The following SH3PXD2A variants were observed in gnomAD, a reference collection of about 807,000 sequenced individuals.
SH3PXD2A encodes the protein SH3 and PX domains 2A, also known as SH3 and PX domain-containing protein 2A.
Under a neutral mutation model 115.2 loss-of-function variants are expected in SH3PXD2A, and 32 were observed. That is an observed-to-expected ratio of 0.28 (90% CI 0.21 to 0.37). SH3PXD2A has a LOEUF of 0.37. Among genes scored for constraint, SH3PXD2A ranks in the 10% least tolerant of loss-of-function variants. The pLI is 1.00. For missense variants in SH3PXD2A, 1,328 were observed against 1,498.7 expected (o/e 0.89, Z 1.88); for synonymous variants, 610 against 629.1 (o/e 0.97, Z 0.45).
At chr10:103,834,924 G>C (rs771416565) in intron 1 of SH3PXD2A, among the ~76,000 whole-genome samples, 32 of 152,326 alleles carry the variant, frequency 2.1e-4, no homozygotes, top group Non-Finnish European at 3.7e-4. Context: ...AGTTAATGCT[G>C]TAGTAGGTTC....
chr10:103,692,948 A>C, intron 6 of SH3PXD2A, 80 bp downstream of exon 6: 4 of 964,340 alleles, frequency 4.1e-6, no homozygotes, highest in Non-Finnish European at 5.0e-6. Context: ...CGCCCCCAAG[A>C]AGTCCTCTGC....
chr10:103,847,226 GC>G (rs1842855858), intron 1 of SH3PXD2A, among the ~76,000 whole-genome samples: 1 of 152,158 alleles, frequency 6.6e-6, no homozygotes, highest in South Asian at 2.1e-4. Context: ...GCTCACTGCA[GC>G]CTCCAATTCC....
rs1011126566 is a variant in SH3PXD2A at position 103,620,385 on chromosome 10, A to ACC, written c.802+2083_802+2084dup. Among the ~76,000 whole-genome samples the ACC allele has an allele frequency of 2.6e-4, 40 of 151,962 alleles. No individual in the cohort carries two copies. Among genetic ancestry groups the ACC allele is most frequent in the African/African-American group, 9.4e-4 (39 of 41,436 alleles). On this transcript the variant is annotated intron_variant, in intron 10 of 14. Coordinates refer to ENST00000369774, the MANE Select transcript of SH3PXD2A (RefSeq NM_001394015.1). This position sits in a 1 kb window ranked among gnomAD's most constrained non-coding sequence, Gnocchi z 5.3. ...GGGCTGGATGTCCTGTAGTTTCCAA[A>ACC]CCACAGAAGCCTCCTCTTCCCCAAC... is the stretch of plus-strand genomic sequence containing the variant.
intron 10 of SH3PXD2A, among the ~76,000 whole-genome samples, chr10:103,619,515 C>G (rs1463262982): frequency 6.6e-6 from 1 of 152,224 alleles, no homozygotes; most frequent in East Asian, 1.9e-4. Flanking sequence ...AAATGACAGC[C>G]CTTCTCGTGG....
At chr10:103,822,942 T>G (rs1348077580) in intron 1 of SH3PXD2A, among the ~76,000 whole-genome samples, 4 of 152,164 alleles carry the variant, frequency 2.6e-5, no homozygotes, top group African/African-American at 9.7e-5. Flanking sequence ...ACAATCACGT[T>G]TGGTCAGATA....
chr10:103,606,432 TAAAAAAAAAAAA>T (rs533450822), intron 13 of SH3PXD2A, among the ~76,000 whole-genome samples: 1 of 8,156 alleles, frequency 1.2e-4, no homozygotes, highest in Non-Finnish European at 2.2e-4. Context: ...AAGAATTTGC[TAAAAAAAAAAAA>T]AAAAAAAAAA....
intron 1 of SH3PXD2A, among the ~76,000 whole-genome samples, chr10:103,801,893 G>A (rs1465905475): frequency 5.3e-5 from 8 of 152,194 alleles, no homozygotes; most frequent in Non-Finnish European, 1.0e-4. Flanking sequence ...TAGTAGAGAC[G>A]GGGTTTCGCC....
chr10:103,798,573 T>C (rs2039117033), intron 2 of SH3PXD2A, among the ~76,000 whole-genome samples: 1 of 152,192 alleles, frequency 6.6e-6, no homozygotes, highest in Non-Finnish European at 1.5e-5. Context: ...TTCCATCAGA[T>C]TCACAGAGGG....
chr10:103,743,515 G>A (rs753575504), intron 3 of SH3PXD2A, among the ~76,000 whole-genome samples: 3 of 151,934 alleles, frequency 2.0e-5, no homozygotes, highest in Admixed American at 6.6e-5. Flanking sequence ...CTCAGCCTCC[G>A]AAGTAACAGG....
chr10:103,664,245 G>A (rs192342704), intron 7 of SH3PXD2A, among the ~76,000 whole-genome samples: 8 of 152,350 alleles, frequency 5.3e-5, no homozygotes, highest in Admixed American at 5.2e-4. Flanking sequence ...GGAAAGAAAG[G>A]CTCCAGCAAC....
At chr10:103,617,373 T>A (rs1412012853) in intron 10 of SH3PXD2A, 59 bp from the exon 11 acceptor site, 2 of 1,194,364 alleles carry the variant, frequency 1.7e-6, no homozygotes. Context: ...TCCTGCTTCC[T>A]GTCCCCTCCT....
At chr10:103,829,775 TAA>T (rs1371645288) in intron 1 of SH3PXD2A, among the ~76,000 whole-genome samples, 1 of 152,262 alleles carries the variant, frequency 6.6e-6, no homozygotes, top group Non-Finnish European at 1.5e-5. Context: ...AAGACTTCAG[TAA>T]TGGTCCACTC....
At chr10:103,695,631 T>C (rs1193157413) in intron 5 of SH3PXD2A, among the ~76,000 whole-genome samples, 1 of 151,634 alleles carries the variant, frequency 6.6e-6, no homozygotes, top group African/African-American at 2.4e-5. Flanking sequence ...ATCTAGAAAG[T>C]GGTTAAAATT....
At chr10:103,833,611 C>T (rs1349592981) in intron 1 of SH3PXD2A, among the ~76,000 whole-genome samples, 1 of 152,124 alleles carries the variant, frequency 6.6e-6, no homozygotes, top group Non-Finnish European at 1.5e-5. Flanking sequence ...ATTATCTACC[C>T]GAACTTTCTT....
intron 4 of SH3PXD2A, among the ~76,000 whole-genome samples, chr10:103,733,143 C>T (rs1419861241): frequency 1.8e-4 from 28 of 152,162 alleles, no homozygotes; most frequent in Non-Finnish European, 8.8e-5. Context: ...CATTCCTTGT[C>T]TGGCTCTGGG....
At chr10:103,841,645 C>A (rs912764859) in intron 1 of SH3PXD2A, among the ~76,000 whole-genome samples, 1 of 152,134 alleles carries the variant, frequency 6.6e-6, no homozygotes, top group Admixed American at 6.5e-5. Flanking sequence ...GACCCCATGA[C>A]CTGCTGCTCT....
intron 5 of SH3PXD2A, among the ~76,000 whole-genome samples, chr10:103,696,501 T>G (rs1215387367): frequency 6.6e-6 from 1 of 151,970 alleles, no homozygotes; most frequent in East Asian, 1.9e-4. Flanking sequence ...CCCCCCCTCT[T>G]CCCATCAGTC....
intron 5 of SH3PXD2A, among the ~76,000 whole-genome samples, chr10:103,705,879 C>T (rs1296586995): frequency 6.6e-6 from 1 of 152,026 alleles, no homozygotes; most frequent in African/African-American, 2.4e-5. Flanking sequence ...CACCAGTAAT[C>T]CCAGCTACTC....
intron 9 of SH3PXD2A, among the ~76,000 whole-genome samples, 176 bp downstream of exon 9, chr10:103,626,913 C>G (rs1026060966): frequency 1.3e-5 from 2 of 152,148 alleles, no homozygotes; most frequent in Non-Finnish European, 2.9e-5. Context: ...CAGCAGGGGT[C>G]GGACTGGGGT....
Sources: gnomAD v4.1 joint callset for allele counts (sites outside exome capture counted in the v4.1 genomes callset) on GRCh38, gnomAD v4.1.1 for gene constraint, Gnocchi (gnomAD v3.1) non-coding constraint, MANE v1.5 for transcripts, NCBI Gene and HGNC (gene_info 2026-07-23, HGNC 2026-07-21) for gene names.